The following BBS9 variants were observed in gnomAD, a reference collection of about 807,000 sequenced individuals.
The protein encoded by BBS9 is protein PTHB1.
A neutral mutation model predicts 117.7 loss-of-function variants in BBS9; 89 were observed. The observed-to-expected ratio is 0.76, with a 90% confidence interval of 0.64 to 0.90. BBS9 has a LOEUF of 0.90. BBS9 is among the 40% of genes least tolerant of loss of function. The probability of loss-of-function intolerance (pLI) is 0.00; values close to 1 mark genes in which losing one functional copy is unlikely to be tolerated. For missense variants in BBS9, 982 were observed against 1,042.2 expected, an observed-to-expected ratio of 0.94 and a Z score of 0.80; for synonymous variants, 379 against 370.9, an observed-to-expected ratio of 1.02 and a Z score of -0.25.
At chr7:33,226,031 A>G (rs1454918150) in intron 5 of BBS9, among the ~76,000 whole-genome samples, 1 of 152,196 alleles carries the variant, frequency 6.6e-6, no homozygotes, top group African/African-American at 2.4e-5. Context: ...AACATAGCCA[A>G]AGGTACAGCA....
Position 33,624,365 on chromosome 7 carries a change from G to C in BBS9, c.2522-10812G>C, listed in dbSNP as rs140054090. On this transcript the variant is annotated intron_variant, in intron 21 of 21. Coordinates refer to the BBS9 transcript ENST00000671952. ...AACCCTTGAATATTACCACACAGTGGCCACATTAGAAGCCAAGGATTGCTA... is the reference window on the plus strand; with the variant it reads ...AACCCTTGAATATTACCACACAGTGCCCACATTAGAAGCCAAGGATTGCTA... Among the ~76,000 whole-genome samples the C allele has an allele frequency of 1.8e-3, 270 of 152,150 alleles. 1 individual carries two copies. The highest frequency in any genetic ancestry group is 0.01 in the Middle Eastern group (3 of 294).
intron 5 of BBS9, among the ~76,000 whole-genome samples, chr7:33,244,779 G>A (rs1272411573): frequency 6.6e-6 from 1 of 152,164 alleles, no homozygotes; most frequent in Non-Finnish European, 1.5e-5. Flanking sequence ...GGATGTGTCT[G>A]TGAAAGCCAG....
intron 19 of BBS9, among the ~76,000 whole-genome samples, chr7:33,407,492 TGGA>T (rs1830254042): frequency 6.6e-6 from 1 of 152,238 alleles, no homozygotes. Flanking sequence ...TGCATTCCTT[TGGA>T]GGAGGAGAGG....
At position 33,262,614 on chromosome 7, in the gene BBS9, C is replaced by T. The variant is rs773060454; in HGVS notation, c.618-1676C>T. ...TATAGAGAGATTGGCTGCAGCTGAC[C>T]GTGGGATTTTGTAGCATGGTCTTAC... is the stretch of plus-strand genomic sequence containing the variant. On this transcript the variant is annotated intron_variant, in intron 6 of 22. Coordinates refer to ENST00000242067, the MANE Select transcript of BBS9 (RefSeq NM_198428.3). Among the ~76,000 whole-genome samples the T allele has an allele frequency of 5.3e-5, 8 of 152,100 alleles. No individual in the cohort carries two copies. The East Asian group carries it at 5.8e-4, about 11-fold the overall frequency.
At chr7:33,291,819 C>T (rs867115438) in intron 9 of BBS9, among the ~76,000 whole-genome samples, 4 of 152,146 alleles carry the variant, frequency 2.6e-5, no homozygotes, top group African/African-American at 9.7e-5. Flanking sequence ...AGGCCTTTGT[C>T]TTGCAATATG....
chr7:33,546,458 C>T (rs1853386322), intron 21 of BBS9, among the ~76,000 whole-genome samples: 1 of 152,110 alleles, frequency 6.6e-6, no homozygotes, highest in Admixed American at 6.5e-5. Flanking sequence ...TATATTACTT[C>T]TCTGCTTTAG....
At chr7:33,558,008 A>G (rs1180572611) in intron 21 of BBS9, among the ~76,000 whole-genome samples, 1 of 152,258 alleles carries the variant, frequency 6.6e-6, no homozygotes, top group African/African-American at 2.4e-5. Flanking sequence ...GTTCATAGAA[A>G]GAAGTGAGGT....
chr7:33,450,069 T>C (rs1012494539), intron 19 of BBS9, among the ~76,000 whole-genome samples: 1 of 152,166 alleles, frequency 6.6e-6, no homozygotes, highest in African/African-American at 2.4e-5. Flanking sequence ...CATTCTACTT[T>C]CTATTTCTTT....
At chr7:33,561,599 T>A (rs1856096144) in intron 21 of BBS9, among the ~76,000 whole-genome samples, 1 of 152,104 alleles carries the variant, frequency 6.6e-6, no homozygotes, top group African/African-American at 2.4e-5. Context: ...AAATATGCCG[T>A]GCATCCACCA....
At chr7:33,199,660 T>C (rs1464999253) in intron 5 of BBS9, among the ~76,000 whole-genome samples, 2 of 151,848 alleles carry the variant, frequency 1.3e-5, no homozygotes, top group East Asian at 1.9e-4. Flanking sequence ...AAAATGATTA[T>C]ACACCACACA....
intron 9 of BBS9, among the ~76,000 whole-genome samples, chr7:33,308,912 A>C (rs1391751405): frequency 6.6e-6 from 1 of 152,204 alleles, no homozygotes; most frequent in Non-Finnish European, 1.5e-5. Context: ...ACGTAAAAAC[A>C]AATATTATAT....
chr7:33,209,288 G>A (rs780340559), intron 5 of BBS9, among the ~76,000 whole-genome samples: 5 of 152,034 alleles, frequency 3.3e-5, no homozygotes, highest in Non-Finnish European at 7.4e-5. Context: ...TTCTTTTTAT[G>A]GCTGAATAGT....
At position 33,437,841 on chromosome 7, in the gene BBS9, A is replaced by T. The variant is rs1835536253; in HGVS notation, c.2115+49697A>T. The stretch of plus-strand genomic sequence containing the variant: ...CACTGAGCCAAGATCCTGCCACTGC[A>T]CTCCAGCCTGGGCAACAGAGTGAGA... On this transcript the variant is annotated intron_variant, in intron 19 of 22. Transcript: ENST00000242067. Among the ~76,000 whole-genome samples the T allele has an allele frequency of 5.3e-5, 8 of 152,202 alleles. 1 individual carries two copies. Among genetic ancestry groups the T allele is most frequent in the Admixed American group, 5.2e-4 (8 of 15,286 alleles).
At chr7:33,298,889 G>A (rs1353301168) in intron 9 of BBS9, among the ~76,000 whole-genome samples, 1 of 152,188 alleles carries the variant, frequency 6.6e-6, no homozygotes, top group Non-Finnish European at 1.5e-5. Flanking sequence ...AAAGGAACAA[G>A]TCACGCTTTT....
At chr7:33,351,160 G>A in intron 13 of BBS9, 59 bp from the exon 14 acceptor site, 1 of 1,155,574 alleles carries the variant, frequency 8.7e-7, no homozygotes, top group Non-Finnish European at 1.3e-6. Context: ...AATTTTAACT[G>A]TTGTTAATAA....
intron 21 of BBS9, among the ~76,000 whole-genome samples, chr7:33,568,084 A>G (rs767037859): frequency 2.0e-5 from 3 of 152,090 alleles, no homozygotes; most frequent in Non-Finnish European, 4.4e-5. Context: ...TTTGCCTCCT[A>G]TTATCTCTAG....
At chr7:33,277,069 G>T in intron 9 of BBS9, 2 of 225,306 alleles carry the variant, frequency 8.9e-6, no homozygotes, top group South Asian at 8.8e-5. Context: ...GTGGTAGTTG[G>T]CCTTCTTCCC....
chr7:33,254,114 G>A (rs994480746), intron 5 of BBS9, among the ~76,000 whole-genome samples: 3 of 152,104 alleles, frequency 2.0e-5, no homozygotes, highest in East Asian at 1.9e-4. Flanking sequence ...CCAGACAGAT[G>A]TTCTTTTTTG....
At chr7:33,463,308 G>A (rs897989874) in intron 19 of BBS9, among the ~76,000 whole-genome samples, 1 of 152,084 alleles carries the variant, frequency 6.6e-6, no homozygotes, top group Non-Finnish European at 1.5e-5. Context: ...CTGGCATTGT[G>A]TATGCAGAAG....
Sources: allele counts gnomAD v4.1 joint callset (sites outside exome capture counted in the v4.1 genomes callset), GRCh38; gene constraint gnomAD v4.1.1; transcripts MANE v1.5; gene names NCBI Gene and HGNC (gene_info 2026-07-23, HGNC 2026-07-21).